The following EPS8 variants were observed in gnomAD, a reference collection of about 807,000 sequenced individuals.
EPS8 encodes EGFR pathway substrate 8, signaling adaptor.
In EPS8, 42 loss-of-function variants were observed where a neutral mutation model predicts 103.8. The ratio of observed to expected loss-of-function variants is 0.40; its 90% confidence interval spans 0.32 to 0.52. EPS8 has a LOEUF of 0.52. Ranked by LOEUF, EPS8 falls within the 20% of genes least tolerant of loss-of-function variation. The pLI is 0.40. For missense variants in EPS8, 969 were observed against 1,005.1 expected, an observed-to-expected ratio of 0.96 and a Z score of 0.49; for synonymous variants, 344 against 344.6, an observed-to-expected ratio of 1.00 and a Z score of 0.02.
chr12:15,744,080 C>A (rs905704383), intron 1 of EPS8, among the ~76,000 whole-genome samples: 1 of 152,142 alleles, frequency 6.6e-6, no homozygotes, highest in African/African-American at 2.4e-5. Context: ...AATCAAACAA[C>A]CCCATCAAAA....
intron 1 of EPS8, among the ~76,000 whole-genome samples, chr12:15,715,899 G>A (rs528075990): frequency 8.6e-5 from 13 of 151,372 alleles, no homozygotes; most frequent in Non-Finnish European, 1.6e-4. Context: ...AAAAAAACAC[G>A]GCAGGACACA....
At chr12:15,737,313 G>A (rs1310136875) in intron 1 of EPS8, among the ~76,000 whole-genome samples, 3 of 152,122 alleles carry the variant, frequency 2.0e-5, no homozygotes, top group Admixed American at 1.3e-4. Flanking sequence ...TTCAGAAAGG[G>A]TTGCAAAACG....
Position 15,665,833 on chromosome 12 carries a change from G to A in EPS8, c.659C>T (p.Pro220Leu). The A allele has an allele frequency of 6.2e-7, 1 of 1,613,916 alleles. No individual in the cohort carries two copies. Among genetic ancestry groups the A allele is most frequent in the South Asian group, 1.1e-5 (1 of 91,034 alleles). Residue 220 changes from proline to leucine, a missense_variant, in exon 8 of 21, where the codon CCC becomes CTC. By Grantham distance (98) the Pro-to-Leu change is moderately conservative. Transcript: ENST00000281172. ...ATCCACCTGGGTGACGGTCCCAGGG[G>A]GCGCAGGGGCAGGAGCTCTGGGTGG... ...PPPPRAPAPA[P>L]PGTVTQVDVR...
chr12:15,768,373 G>A (rs1327280423), intron 1 of EPS8, among the ~76,000 whole-genome samples: 1 of 146,416 alleles, frequency 6.8e-6, no homozygotes, highest in East Asian at 2.1e-4. Flanking sequence ...AAGAGGCAGA[G>A]GTTGCAGTGA....
chr12:15,676,761 A>G (rs1945916215), intron 3 of EPS8, among the ~76,000 whole-genome samples: 4 of 152,234 alleles, frequency 2.6e-5, no homozygotes, highest in Admixed American at 2.6e-4. Context: ...ATTAATATTT[A>G]TCTTCCTAAG....
chr12:15,753,333 G>A (rs1946952846), intron 1 of EPS8, among the ~76,000 whole-genome samples: 1 of 152,268 alleles, frequency 6.6e-6, no homozygotes, highest in Non-Finnish European at 1.5e-5. Context: ...TATGAAAATG[G>A]AAGATCTCGA....
Position 15,716,755 on chromosome 12 carries a change from T to C in EPS8, c.-21-33783A>G, listed in dbSNP as rs1026943053. 6.6e-6 allele frequency among the ~76,000 whole-genome samples: 1 copy of C among 152,142 alleles called. No homozygotes were observed. Among genetic ancestry groups the C allele is most frequent in the Non-Finnish European group, 1.5e-5 (1 of 68,036 alleles). On this transcript the variant is annotated intron_variant, in intron 1 of 20. Transcript: ENST00000281172. The surrounding 1 kb of genome is among the most constrained non-coding windows in gnomAD (Gnocchi z 5.0). ...TAAGATCATCAGATCCAAAATGATG[T>C]GAGGTCACTTACATAAATTGTTAGG...
intron 1 of EPS8, among the ~76,000 whole-genome samples, chr12:15,737,709 T>C (rs972941653): frequency 3.9e-5 from 6 of 152,142 alleles, no homozygotes; most frequent in African/African-American, 1.4e-4. Context: ...AACTATTATA[T>C]ACCCAAATAT....
At position 15,641,806 on chromosome 12, in the gene EPS8, T is replaced by C; in HGVS notation, c.1593A>G (p.Gln531=). 6 of 1,594,492 alleles carry C rather than the reference T, an allele frequency of 3.8e-6. No individual in the cohort carries two copies. Among genetic ancestry groups the C allele is most frequent in the Non-Finnish European group, 5.1e-6 (6 of 1,167,142 alleles). Residue 531 remains glutamine (Q), a synonymous_variant, in exon 16 of 21, where the codon CAA becomes CAG. Transcript: ENST00000281172. ...ACTTGGATTTGGCATATTTCTTGGG[T>C]TGTGTTTTGAGTGGTTCATAATTTC... is the stretch of plus-strand genomic sequence containing the variant. ...IDRNYEPLKT[Q]PKKYAKSKYD... is the part of the protein sequence containing the mutation.
intron 1 of EPS8, among the ~76,000 whole-genome samples, chr12:15,773,837 A>G (rs976664875): frequency 3.3e-5 from 5 of 152,176 alleles, no homozygotes; most frequent in Admixed American, 6.5e-5. Context: ...CTGACCAAAC[A>G]AAAGTAATTC....
chr12:15,644,052 A>G (rs994649343), intron 15 of EPS8, among the ~76,000 whole-genome samples: 11 of 152,214 alleles, frequency 7.2e-5, no homozygotes, highest in African/African-American at 2.7e-4. Flanking sequence ...AACCCTCTAT[A>G]CTTCCATACT....
rs1565540057 is a variant in EPS8, at chr12:15,776,933, C to T, written c.-22+12228G>A. ...TATCAATGCCTTTGAAAACCATAAA[C>T]ATAACACAAAATGTATTTGCTAGCC... On this transcript the variant is annotated intron_variant, in intron 1 of 20. Coordinates refer to ENST00000281172, the MANE Select transcript of EPS8 (RefSeq NM_004447.6). The surrounding 1 kb of genome is among the most constrained non-coding windows in gnomAD (Gnocchi z 4.2). Among the ~76,000 whole-genome samples, 1 of 152,146 alleles carries T rather than the reference C, an allele frequency of 6.6e-6. No homozygotes were observed. The highest frequency in any genetic ancestry group is 1.9e-4 in the East Asian group (1 of 5,200).
intron 3 of EPS8, among the ~76,000 whole-genome samples, chr12:15,676,259 CAAAA>C (rs888576581): frequency 5.5e-4 from 9 of 16,336 alleles, no homozygotes; most frequent in Non-Finnish European, 7.7e-4. Context: ...GACTCCATCT[CAAAA>C]AAAAAAAAAA....
chr12:15,726,759 T>C (rs916202442), intron 1 of EPS8, among the ~76,000 whole-genome samples: 2 of 152,200 alleles, frequency 1.3e-5, no homozygotes, highest in African/African-American at 4.8e-5. Flanking sequence ...CTTTGCCTCC[T>C]GAAAGAATGA....
chr12:15,746,462 G>A (rs1946875727), intron 1 of EPS8, among the ~76,000 whole-genome samples: 2 of 151,718 alleles, frequency 1.3e-5, no homozygotes, highest in Admixed American at 1.3e-4. Flanking sequence ...TCACATGTCT[G>A]GATAATCAAA....
Position 15,658,522 on chromosome 12 carries a change from T to C in EPS8, c.1001A>G (p.Lys334Arg). The part of the protein sequence containing the change: ...PPDEFLDCFQ[K>R]FKHGFNLLAK... ...CAGAAGGTTAAATCCGTGTTTAAAC[T>C]TTTGGAAACAGTCAAGAAATTCATC... The change falls in exon 11 of 21, where the codon AAG (lysine) becomes AGG (arginine). Residue 334 changes from lysine (K) to arginine (R), a missense_variant. By Grantham distance (26) the Lys-to-Arg change is conservative. Coordinates refer to ENST00000281172, the MANE Select transcript of EPS8 (RefSeq NM_004447.6). 1 of 1,612,682 alleles carries C rather than the reference T, an allele frequency of 6.2e-7. No homozygotes were observed. Among genetic ancestry groups the C allele is most frequent in the Non-Finnish European group, 8.5e-7 (1 of 1,178,800 alleles).
At chr12:15,671,043 G>A (rs1945807192) in intron 3 of EPS8, 120 bp from the exon 4 acceptor site, 1 of 613,430 alleles carries the variant, frequency 1.6e-6, no homozygotes, top group Admixed American at 2.8e-5. Context: ...TAGCTGACAA[G>A]TTGCCATTGT....
rs1409501874 is a variant in EPS8, at chr12:15,759,485, T to A, written c.-22+29676A>T. ...TTTATACACTAAAAAGTCTTCAGTC[T>A]CTTAAACTTCAGTAGGAAAAACAGA... On this transcript the variant is annotated intron_variant, in intron 1 of 20. Transcript: ENST00000281172. This position sits in a 1 kb window ranked among gnomAD's most constrained non-coding sequence, Gnocchi z 4.9. Among the ~76,000 whole-genome samples the A allele has an allele frequency of 6.6e-6, 1 of 152,130 alleles. No homozygotes were observed. The highest frequency in any genetic ancestry group is 2.4e-5 in the African/African-American group (1 of 41,468).
Position 15,749,165 on chromosome 12 carries a change from C to A in EPS8, c.-22+39996G>T, listed in dbSNP as rs1000394363. ...TGACTATTTAAGATTATGCCTTAGG[C>A]TCTCACTAAGGGCCAATATAGGAAA... is the stretch of plus-strand genomic sequence containing the variant. On this transcript the variant is annotated intron_variant, in intron 1 of 20. Transcript: ENST00000281172. This position sits in a 1 kb window ranked among gnomAD's most constrained non-coding sequence, Gnocchi z 4.0. Among the ~76,000 whole-genome samples, 1 of 152,018 alleles carries A rather than the reference C, an allele frequency of 6.6e-6. No homozygotes were observed. The highest frequency in any genetic ancestry group is 1.5e-5 in the Non-Finnish European group (1 of 67,992).
Sources: gnomAD v4.1 joint callset for allele counts (sites outside exome capture counted in the v4.1 genomes callset) on GRCh38, gnomAD v4.1.1 for gene constraint, Gnocchi (gnomAD v3.1) non-coding constraint, MANE v1.5 for transcripts, NCBI Gene and HGNC (gene_info 2026-07-23, HGNC 2026-07-21) for gene names.